The following COL19A1 variants were observed in gnomAD, a reference collection of about 807,000 sequenced individuals.
The protein encoded by COL19A1 is collagen type XIX alpha 1 chain.
COL19A1 carries 159 observed loss-of-function variants against 190.2 expected under a neutral mutation model. The observed-to-expected ratio is 0.84, with a 90% CI of 0.73 to 0.95. The LOEUF is 0.95. COL19A1 is among the 40% of genes least tolerant of loss of function. The probability of loss-of-function intolerance (pLI) is 0.00; values close to 1 mark genes in which losing one functional copy is unlikely to be tolerated. For synonymous variants in COL19A1, 509 were observed against 458.9 expected (o/e 1.11, Z -1.39); for missense variants, 1,418 against 1,431.9 (o/e 0.99, Z 0.16).
intron 14 of COL19A1, among the ~76,000 whole-genome samples, chr6:70,062,203 T>G (rs1048872916): frequency 6.6e-6 from 1 of 152,084 alleles, no homozygotes; most frequent in Non-Finnish European, 1.5e-5. Flanking sequence ...GGGGGAACAG[T>G]GAGAACTGAT....
At chr6:70,090,101 C>G (rs1392208875) in intron 15 of COL19A1, among the ~76,000 whole-genome samples, 2 of 151,736 alleles carry the variant, frequency 1.3e-5, no homozygotes, top group Non-Finnish European at 2.9e-5. Context: ...TACTTAAGCC[C>G]ACGAGGTTGA....
intron 4 of COL19A1, among the ~76,000 whole-genome samples, chr6:69,905,251 G>C (rs1336070384): frequency 6.6e-6 from 1 of 152,202 alleles, no homozygotes; most frequent in Non-Finnish European, 1.5e-5. Flanking sequence ...TGAGCAGAGA[G>C]CTAAAAGAAC....
chr6:70,116,840 G>A (rs1784608099), intron 16 of COL19A1, among the ~76,000 whole-genome samples: 1 of 152,166 alleles, frequency 6.6e-6, no homozygotes, highest in South Asian at 2.1e-4. Context: ...CTTCACAGAG[G>A]TTTTTGGTAT....
chr6:69,960,858 C>T (rs551907830), intron 10 of COL19A1, among the ~76,000 whole-genome samples: 1 of 152,062 alleles, frequency 6.6e-6, no homozygotes, highest in Non-Finnish European at 1.5e-5. Context: ...GTCTCGATCT[C>T]CTGACCTCGT....
rs371257528 is a variant in COL19A1, at chr6:69,880,663, T to C, written c.91+1005T>C. On this transcript the variant is annotated intron_variant, in intron 2 of 50. Transcript: ENST00000620364. ...TGATTTTTTATTATTTGGCAGAAGG[T>C]GCATTTCCTAAAATAATTCACATGA... 3.3e-5 allele frequency among the ~76,000 whole-genome samples: 5 copies of C among 152,308 alleles called. No individual in the cohort carries two copies. The East Asian group carries it at 9.6e-4, about 29-fold the overall frequency.
rs140035909 is a variant in COL19A1, at chr6:70,161,554, G to A, written c.2293-346G>A. On this transcript the variant is annotated intron_variant, in intron 34 of 50. Transcript: ENST00000620364. ...CAAAAGCATACAGAGTGATATAATG[G>A]ACGTTGGAGGCCCAGAAGTGAGGAG... 1.8e-4 allele frequency among the ~76,000 whole-genome samples: 28 copies of A among 152,182 alleles called. No homozygotes were observed. In the East Asian group the frequency reaches 4.5e-3, roughly 24 times the overall value.
chr6:70,162,009 A>G (rs1787839877), intron 35 of COL19A1, 56 bp downstream of exon 35: 2 of 1,483,712 alleles, frequency 1.3e-6, no homozygotes, highest in African/African-American at 2.8e-5. Context: ...GTTTGATGCA[A>G]GGTGAATTAA....
intron 14 of COL19A1, among the ~76,000 whole-genome samples, chr6:70,061,679 T>C (rs1780836606): frequency 6.6e-6 from 1 of 152,122 alleles, no homozygotes; most frequent in East Asian, 1.9e-4. Flanking sequence ...CTCCCTGATG[T>C]GTATGTTTTA....
intron 14 of COL19A1, among the ~76,000 whole-genome samples, chr6:70,054,001 A>G (rs929707527): frequency 2.0e-5 from 3 of 152,228 alleles, no homozygotes. Context: ...TTGTAACATC[A>G]TTCTGCCTGA....
intron 20 of COL19A1, 54 bp downstream of exon 20, chr6:70,141,043 T>G: frequency 6.7e-7 from 1 of 1,484,040 alleles, no homozygotes; most frequent in Middle Eastern, 1.8e-4. Context: ...GATTTGTTTC[T>G]CTCTGATTTT....
chr6:69,986,252 T>TATAC (rs1554184759), intron 11 of COL19A1, among the ~76,000 whole-genome samples: 10 of 114,666 alleles, frequency 8.7e-5, no homozygotes, highest in Non-Finnish European at 1.4e-4. Context: ...TATATATATA[T>TATAC]ACACACACAC....
At chr6:70,082,584 G>T (rs1299594523) in intron 15 of COL19A1, among the ~76,000 whole-genome samples, 1 of 152,024 alleles carries the variant, frequency 6.6e-6, no homozygotes, top group Non-Finnish European at 1.5e-5. Flanking sequence ...GGCTAATTTT[G>T]TATTTTTAGT....
chr6:69,923,693 C>T (rs1404460782), intron 4 of COL19A1, among the ~76,000 whole-genome samples: 3 of 152,168 alleles, frequency 2.0e-5, no homozygotes, highest in Non-Finnish European at 4.4e-5. Context: ...ACTCCAGACA[C>T]ATATTTCTAT....
At chr6:69,939,586 A>G (rs1431288391) in intron 9 of COL19A1, among the ~76,000 whole-genome samples, 1 of 152,086 alleles carries the variant, frequency 6.6e-6, no homozygotes, top group Non-Finnish European at 1.5e-5. Flanking sequence ...AGTATTATGT[A>G]TCTGTGTTCT....
At chr6:70,127,233 C>A (rs1236316779) in intron 17 of COL19A1, among the ~76,000 whole-genome samples, 2 of 152,124 alleles carry the variant, frequency 1.3e-5, no homozygotes, top group Non-Finnish European at 2.9e-5. Context: ...CAACATGATG[C>A]TGGAGAGGGA....
chr6:70,022,797 G>A (rs1295952253), intron 11 of COL19A1, among the ~76,000 whole-genome samples: 2 of 152,052 alleles, frequency 1.3e-5, no homozygotes, highest in South Asian at 2.1e-4. Context: ...TAATGGCTAC[G>A]TCATAATCCA....
chr6:70,121,241 A>G (rs1582961911), intron 16 of COL19A1, among the ~76,000 whole-genome samples: 1 of 152,130 alleles, frequency 6.6e-6, no homozygotes, highest in Admixed American at 6.5e-5. Flanking sequence ...CTTTCTTCCT[A>G]GAAGCTTTAG....
At chr6:69,884,392 G>T (rs932363828) in intron 2 of COL19A1, among the ~76,000 whole-genome samples, 1 of 150,644 alleles carries the variant, frequency 6.6e-6, no homozygotes, top group Non-Finnish European at 1.5e-5. Flanking sequence ...TTTAACAAAA[G>T]ATGTGATGTT....
At chr6:70,156,470 A>G (rs1787447778) in intron 33 of COL19A1, 101 bp downstream of exon 33, 3 of 1,040,442 alleles carry the variant, frequency 2.9e-6, no homozygotes, top group Non-Finnish European at 4.3e-6. Flanking sequence ...TACATACTAT[A>G]TATATATATG....
Sources: allele counts gnomAD v4.1 joint callset (sites outside exome capture counted in the v4.1 genomes callset), GRCh38; gene constraint gnomAD v4.1.1; transcripts MANE v1.5; gene names NCBI Gene and HGNC (gene_info 2026-07-23, HGNC 2026-07-21).